The following CNTLN variants were observed in gnomAD, a reference collection of about 807,000 sequenced individuals.
The protein encoded by CNTLN is centlein.
In CNTLN, 212 loss-of-function variants were observed where a neutral mutation model predicts 180.0. The ratio of observed to expected loss-of-function variants is 1.18; its 90% CI spans 1.05 to 1.32. CNTLN has a LOEUF of 1.32. CNTLN is among the 40% of genes most tolerant of loss of function. The pLI, the probability that CNTLN is intolerant of heterozygous loss-of-function variation, is 0.00. For synonymous variants in CNTLN, 722 were observed against 563.1 expected (o/e 1.28, Z -3.99); for missense variants, 2,095 against 1,610.9 (o/e 1.30, Z -5.14).
rs1009032597 is a variant in CNTLN, at chr9:17,287,852, T to C, written c.984-10338T>C. Reference sequence around the variant, plus strand: ...TGTATTTCTGTGGGATCGCTGGTGATATCCCCTTTATCATTTTTTATTGTG... The same window carrying C: ...TGTATTTCTGTGGGATCGCTGGTGACATCCCCTTTATCATTTTTTATTGTG... On this transcript the variant is annotated intron_variant, in intron 6 of 25. Coordinates refer to ENST00000380647, the MANE Select transcript of CNTLN (RefSeq NM_017738.4). Among the ~76,000 whole-genome samples, 29 of 148,578 alleles carry C rather than the reference T, an allele frequency of 2.0e-4. 1 individual carries two copies. The highest frequency in any genetic ancestry group is 6.7e-4 in the African/African-American group (26 of 39,078).
intron 13 of CNTLN, among the ~76,000 whole-genome samples, chr9:17,374,566 A>G (rs1257422143): frequency 6.6e-6 from 1 of 152,176 alleles, no homozygotes; most frequent in Middle Eastern, 3.2e-3. Flanking sequence ...ATTGACTCAA[A>G]CAATTAGAAA....
chr9:17,399,407 A>C lies in CNTLN; in HGVS notation c.2615+4338A>C, dbSNP rs1212496609. On this transcript the variant is annotated intron_variant, in intron 15 of 25. Transcript: ENST00000380647. The stretch of plus-strand genomic sequence containing the variant: ...TGGTCACATTTCTCAAACACAACAT[A>C]AACTTCCATGATTCTATGTATTTAG... 3.9e-5 allele frequency among the ~76,000 whole-genome samples: 6 copies of C among 152,220 alleles called. No individual in the cohort carries two copies. The East Asian group carries it at 1.2e-3, about 29-fold the overall frequency.
At chr9:17,288,016 G>C (rs1284819660) in intron 6 of CNTLN, among the ~76,000 whole-genome samples, 1 of 138,698 alleles carries the variant, frequency 7.2e-6, no homozygotes, top group Non-Finnish European at 1.5e-5. Flanking sequence ...CTTCAGTTCT[G>C]CTCTGATGTT....
intron 12 of CNTLN, among the ~76,000 whole-genome samples, chr9:17,349,607 C>T (rs1051883771): frequency 1.3e-5 from 2 of 152,010 alleles, no homozygotes; most frequent in Non-Finnish European, 2.9e-5. Flanking sequence ...TGAGTATGGT[C>T]GGAAATATTA....
At chr9:17,344,192 A>G (rs1038807842) in intron 12 of CNTLN, among the ~76,000 whole-genome samples, 2 of 152,158 alleles carry the variant, frequency 1.3e-5, no homozygotes, top group Non-Finnish European at 2.9e-5. Context: ...AGAAAAAGTA[A>G]TGAGGCCTTT....
rs1239440909 is a variant in CNTLN at position 17,236,439 on chromosome 9, G to T, written c.700G>T (p.Glu234Ter). Residue 234 changes from glutamate (E) to a stop codon, truncating the protein, a stop_gained, in exon 5 of 26, where the codon GAG becomes TAG. Transcript: ENST00000380647. LOFTEE classifies it high-confidence loss of function. ...DTKECVQNKEEQNRLVIKNLE... is the reference protein window; with the variant it reads ...DTKECVQNKE ...TAAGGAGTGTGTACAGAACAAAGAAGAGCAAAACAGACTAGTTATAAAAAA... is the reference window on the plus strand; with the variant it reads ...TAAGGAGTGTGTACAGAACAAAGAATAGCAAAACAGACTAGTTATAAAAAA... 6.2e-7 allele frequency: 1 copy of T among 1,613,232 alleles called. No homozygotes were observed. Among genetic ancestry groups the T allele is most frequent in the Non-Finnish European group, 8.5e-7 (1 of 1,179,576 alleles).
At position 17,466,436 on chromosome 9, in the gene CNTLN, T is replaced by C. The variant is rs143217965; in HGVS notation, c.3670-270T>C. Reference sequence around the variant, plus strand: ...ACTTTCAAACTAAATGTTTCCATGTTATGTGGAGGATCTTTTGGTCTAAAA... The same window carrying C: ...ACTTTCAAACTAAATGTTTCCATGTCATGTGGAGGATCTTTTGGTCTAAAA... On this transcript the variant is annotated intron_variant, in intron 22 of 25. Coordinates refer to ENST00000380647, the MANE Select transcript of CNTLN (RefSeq NM_017738.4). 6.9e-3 allele frequency among the ~76,000 whole-genome samples: 1,053 copies of C among 151,604 alleles called. 3 individuals carry two copies. Among genetic ancestry groups the C allele is most frequent in the Non-Finnish European group, 0.01 (702 of 67,558 alleles).
intron 2 of CNTLN, among the ~76,000 whole-genome samples, chr9:17,221,907 G>A (rs569210348): frequency 6.6e-6 from 1 of 152,062 alleles, no homozygotes; most frequent in African/African-American, 2.4e-5. Flanking sequence ...CAACATATCT[G>A]AATCTGTTCT....
At chr9:17,475,488 C>G (rs915036956) in intron 23 of CNTLN, among the ~76,000 whole-genome samples, 3 of 140,526 alleles carry the variant, frequency 2.1e-5, no homozygotes, top group Non-Finnish European at 4.6e-5. Context: ...CAATCTAACA[C>G]AAGCCGGGAA....
At chr9:17,173,993 C>A (rs551853023) in intron 2 of CNTLN, among the ~76,000 whole-genome samples, 1 of 152,174 alleles carries the variant, frequency 6.6e-6, no homozygotes, top group Non-Finnish European at 1.5e-5. Context: ...TCTTTATGCT[C>A]CACACCCTAG....
At position 17,342,435 on chromosome 9, in the gene CNTLN, T is replaced by G; in HGVS notation, c.1877T>G (p.Met626Arg). The change falls in exon 12 of 26, where the codon ATG (methionine) becomes AGG (arginine). Residue 626 changes from methionine to arginine, a missense_variant. Transcript: ENST00000380647. ...TTCAAAAGGGAAAACCAGGAGCTAA[T>G]GATTCAAAAGTGAGTTTCATTTTTA... is the stretch of plus-strand genomic sequence containing the variant. ...AYFKRENQELMIQKMNLEEEL... is the reference protein window; with the variant it reads ...AYFKRENQELRIQKMNLEEEL... 1.2e-6 allele frequency: 2 copies of G among 1,600,370 alleles called. No individual in the cohort carries two copies. The highest frequency in any genetic ancestry group is 1.7e-6 in the Non-Finnish European group (2 of 1,175,922).
chr9:17,421,960 G>T (rs1828754994), intron 18 of CNTLN, among the ~76,000 whole-genome samples: 1 of 152,024 alleles, frequency 6.6e-6, no homozygotes, highest in South Asian at 2.1e-4. Context: ...CTGTATTTGT[G>T]TATGTACATG....
chr9:17,266,445 G>A (rs1055633994), intron 5 of CNTLN, among the ~76,000 whole-genome samples: 12 of 152,050 alleles, frequency 7.9e-5, no homozygotes, highest in African/African-American at 1.4e-4. Context: ...GCTGAGGAGA[G>A]CTTTGCTTCC....
chr9:17,313,247 T>A (rs1298632679), intron 8 of CNTLN, among the ~76,000 whole-genome samples: 1 of 152,186 alleles, frequency 6.6e-6, no homozygotes, highest in East Asian at 1.9e-4. Flanking sequence ...TTGTTTATAA[T>A]CCATTCTGAC....
chr9:17,254,102 T>A (rs1418139843), intron 5 of CNTLN, among the ~76,000 whole-genome samples: 1 of 151,610 alleles, frequency 6.6e-6, no homozygotes, highest in Non-Finnish European at 1.5e-5. Context: ...TATTGAATCA[T>A]CCCTGCATCC....
chr9:17,231,311 G>T (rs896381256), intron 3 of CNTLN, among the ~76,000 whole-genome samples: 2 of 151,962 alleles, frequency 1.3e-5, no homozygotes, highest in African/African-American at 4.8e-5. Flanking sequence ...TCTTACTTCT[G>T]TATCTAGTGA....
chr9:17,173,694 G>T (rs943502433), intron 2 of CNTLN, among the ~76,000 whole-genome samples: 15 of 152,254 alleles, frequency 9.9e-5, no homozygotes, highest in African/African-American at 3.6e-4. Context: ...AAGACTAGTG[G>T]AAGACTTAAA....
intron 2 of CNTLN, among the ~76,000 whole-genome samples, chr9:17,173,300 T>C (rs1820527138): frequency 6.6e-6 from 1 of 152,226 alleles, no homozygotes; most frequent in South Asian, 2.1e-4. Context: ...GTATACATTT[T>C]CTTAATCACC....
intron 25 of CNTLN, among the ~76,000 whole-genome samples, chr9:17,488,946 T>C (rs1038350564): frequency 6.6e-6 from 1 of 152,146 alleles, no homozygotes; most frequent in African/African-American, 2.4e-5. Context: ...TTTTTCAAGC[T>C]AATTTTATTC....
Sources: gnomAD v4.1 joint callset for allele counts (sites outside exome capture counted in the v4.1 genomes callset) on GRCh38, gnomAD v4.1.1 for gene constraint, MANE v1.5 for transcripts, NCBI Gene and HGNC (gene_info 2026-07-23, HGNC 2026-07-21) for gene names.